The following SP4 variants were observed in gnomAD, a reference collection of about 807,000 sequenced individuals.
SP4 encodes Sp4 transcription factor.
Under a neutral mutation model 72.8 loss-of-function variants are expected in SP4, and 19 were observed. The observed-to-expected ratio is 0.26, with a 90% CI of 0.18 to 0.38. The LOEUF (loss-of-function observed/expected upper bound fraction) is 0.38, where lower values mean the gene tolerates loss of function less well. SP4 is among the 10% of genes least tolerant of loss of function. The pLI is 1.00. For missense variants in SP4, 1,008 were observed against 926.3 expected, an observed-to-expected ratio of 1.09 and a Z score of -1.14; for synonymous variants, 395 against 333.1, an observed-to-expected ratio of 1.19 and a Z score of -2.02.
chr7:21,503,543 C>A (rs1052778831), intron 5 of SP4, among the ~76,000 whole-genome samples: 2 of 152,116 alleles, frequency 1.3e-5, no homozygotes, highest in African/African-American at 4.8e-5. Flanking sequence ...ACCTTAACAC[C>A]CTTGAGGTAA....
intron 3 of SP4, among the ~76,000 whole-genome samples, chr7:21,467,456 G>A (rs1417795280): frequency 6.6e-6 from 1 of 151,966 alleles, no homozygotes; most frequent in Non-Finnish European, 1.5e-5. Context: ...CCACAATCTA[G>A]TTTTAGAACA....
chr7:21,479,531 T>G (rs984483953), intron 4 of SP4, among the ~76,000 whole-genome samples: 1 of 152,246 alleles, frequency 6.6e-6, no homozygotes, highest in African/African-American at 2.4e-5. Context: ...TTGAGTACTT[T>G]GGATTTGTAA....
chr7:21,454,513 T>A (rs955235078), intron 3 of SP4, among the ~76,000 whole-genome samples: 1 of 152,198 alleles, frequency 6.6e-6, no homozygotes, highest in Admixed American at 6.5e-5. Flanking sequence ...TTTTTAACCT[T>A]CCTTACCAAA....
Position 21,430,001 on chromosome 7 carries a change from G to A in SP4, c.836G>A (p.Gly279Glu), listed in dbSNP as rs1346902607. Residue 279 changes from glycine to glutamate, a missense_variant, in exon 3 of 6, where the codon GGG becomes GAG. This residue lies in a region of SP4 where 893 missense variants were observed against 743.3 expected (regional missense o/e 1.20). Coordinates refer to ENST00000222584, the MANE Select transcript of SP4 (RefSeq NM_003112.5). ...PVINNVAAGG[G>E]TGQVGQPAAT... ...ATAAACAACGTGGCTGCCGGAGGAG[G>A]GACTGGGCAGGTTGGCCAGCCTGCT... is the stretch of plus-strand genomic sequence containing the variant. 1 of 1,614,054 alleles carries A rather than the reference G, an allele frequency of 6.2e-7. No homozygotes were observed. Among genetic ancestry groups the A allele is most frequent in the Non-Finnish European group, 8.5e-7 (1 of 1,180,044 alleles).
At chr7:21,493,872 C>T (rs1785040328) in intron 5 of SP4, among the ~76,000 whole-genome samples, 1 of 152,050 alleles carries the variant, frequency 6.6e-6, no homozygotes, top group Admixed American at 6.6e-5. Context: ...AAAACTTAGA[C>T]CAATATCGTA....
chr7:21,486,732 C>T (rs983961766), intron 5 of SP4, among the ~76,000 whole-genome samples: 1 of 152,282 alleles, frequency 6.6e-6, no homozygotes, highest in East Asian at 1.9e-4. Flanking sequence ...CACATTTCTT[C>T]ACTGTAAAGT....
chr7:21,510,942 G>A, intron 5 of SP4, 80 bp from the exon 6 acceptor site: 2 of 1,366,328 alleles, frequency 1.5e-6, no homozygotes, highest in South Asian at 1.4e-5. Context: ...CATATAATGT[G>A]ACCAGAAGGG....
intron 3 of SP4, among the ~76,000 whole-genome samples, chr7:21,446,948 A>C (rs2128396839): frequency 6.6e-6 from 1 of 152,074 alleles, no homozygotes; most frequent in Middle Eastern, 3.4e-3. Context: ...GGTTTAAGTC[A>C]TTTTTAGGAT....
intron 3 of SP4, among the ~76,000 whole-genome samples, chr7:21,439,442 A>C (rs1783162120): frequency 6.6e-6 from 1 of 152,076 alleles, no homozygotes; most frequent in Non-Finnish European, 1.5e-5. Flanking sequence ...GCATCACTGC[A>C]GGAATGTACA....
At chr7:21,490,058 G>C (rs939443889) in intron 5 of SP4, among the ~76,000 whole-genome samples, 7 of 152,218 alleles carry the variant, frequency 4.6e-5, no homozygotes. Context: ...CAACTTGTCT[G>C]TTCCATTGAC....
At chr7:21,482,724 T>G (rs1784720126) in intron 5 of SP4, 1 of 976,186 alleles carries the variant, frequency 1.0e-6, no homozygotes, top group Admixed American at 6.2e-5. Context: ...CTGACATATA[T>G]GATTAATGGA....
Position 21,436,662 on chromosome 7 carries a change from G to A in SP4, c.1678+5819G>A, listed in dbSNP as rs143418072. Reference sequence around the variant, plus strand: ...GTGCTCTTCTGTACTTTTCTGATGCGGATTTGAGTTAAGATTGGCTGTTAA... The same window carrying A: ...GTGCTCTTCTGTACTTTTCTGATGCAGATTTGAGTTAAGATTGGCTGTTAA... On this transcript the variant is annotated intron_variant, in intron 3 of 5. Coordinates refer to ENST00000222584, the MANE Select transcript of SP4 (RefSeq NM_003112.5). 2.9e-3 allele frequency among the ~76,000 whole-genome samples: 444 copies of A among 152,188 alleles called. 2 individuals carry two copies. The highest frequency in any genetic ancestry group is 0.017 in the Middle Eastern group (5 of 294).
intron 5 of SP4, among the ~76,000 whole-genome samples, chr7:21,509,471 CT>C (rs11392678): frequency 1.3e-5 from 2 of 150,106 alleles, no homozygotes; most frequent in South Asian, 2.1e-4. Context: ...AAATATTTTC[CT>C]TTTTTTTTAA....
At chr7:21,471,295 A>G (rs868655282) in intron 3 of SP4, 1 of 344,138 alleles carries the variant, frequency 2.9e-6, no homozygotes, top group South Asian at 2.3e-5. Context: ...AGAAGGGGCA[A>G]AACTGGTGAT....
At chr7:21,468,922 T>C (rs1784247306) in intron 3 of SP4, among the ~76,000 whole-genome samples, 1 of 152,178 alleles carries the variant, frequency 6.6e-6, no homozygotes, top group Admixed American at 6.5e-5. Context: ...CCCATACTTC[T>C]GGTGGAAATG....
intron 3 of SP4, among the ~76,000 whole-genome samples, chr7:21,437,921 C>T (rs1042069339): frequency 1.3e-5 from 2 of 151,602 alleles, no homozygotes; most frequent in Admixed American, 6.6e-5. Flanking sequence ...GAAAACATTT[C>T]GTACTAGCAA....
At chr7:21,441,117 A>G (rs140096324) in intron 3 of SP4, among the ~76,000 whole-genome samples, 114 of 152,312 alleles carry the variant, frequency 7.5e-4, no homozygotes, top group African/African-American at 2.6e-3. Flanking sequence ...AGAGCTCAGA[A>G]GTCAGTGAGG....
intron 4 of SP4, among the ~76,000 whole-genome samples, chr7:21,478,559 C>G (rs1170074881): frequency 6.6e-6 from 1 of 152,156 alleles, no homozygotes; most frequent in African/African-American, 2.4e-5. Flanking sequence ...ATGATTAAAG[C>G]TATCCTAGTG....
intron 3 of SP4, among the ~76,000 whole-genome samples, chr7:21,439,612 C>G (rs1307152167): frequency 8.6e-5 from 13 of 151,774 alleles, no homozygotes. Flanking sequence ...TGTTTGAGGC[C>G]AAGTGCAATG....
Sources: gnomAD v4.1 joint callset for allele counts (sites outside exome capture counted in the v4.1 genomes callset) on GRCh38, gnomAD v4.1.1 for gene constraint, gnomAD v4.1.1 regional missense constraint, MANE v1.5 for transcripts, NCBI Gene and HGNC (gene_info 2026-07-23, HGNC 2026-07-21) for gene names.